Variants in NRP1 observed in about 807,000 individuals in gnomAD.
NRP1 encodes the protein neuropilin-1.
In NRP1, 35 loss-of-function variants were observed where a neutral mutation model predicts 106.7. The ratio of observed to expected loss-of-function variants is 0.33; its 90% CI spans 0.25 to 0.43. The LOEUF (loss-of-function observed/expected upper bound fraction) is 0.43. NRP1 is among the 20% of genes least tolerant of loss of function. NRP1 has a pLI of 1.00. For synonymous variants in NRP1, 437 were observed against 417.9 expected (o/e 1.05, Z -0.56); for missense variants, 1,024 against 1,170.4 (o/e 0.87, Z 1.83).
At chr10:33,200,996 C>T (rs764312585) in intron 11 of NRP1, 8 of 152,098 alleles carry the variant, frequency 5.3e-5, no homozygotes, top group Non-Finnish European at 1.0e-4. Flanking sequence ...TTGAGACAAA[C>T]GTGCTGATCT....
intron 2 of NRP1, among the ~76,000 whole-genome samples, chr10:33,326,001 T>C (rs1384652457): frequency 6.6e-6 from 1 of 152,184 alleles, no homozygotes; most frequent in Non-Finnish European, 1.5e-5. Flanking sequence ...TTTTAGACTT[T>C]TGTTAGAGCT....
At chr10:33,199,365 TTCTATATATATATA>T (rs1837053592) in intron 11 of NRP1, among the ~76,000 whole-genome samples, 1 of 64,268 alleles carries the variant, frequency 1.6e-5, no homozygotes, top group African/African-American at 5.1e-5. Flanking sequence ...CCTGGCTGTT[TTCTATATATATATA>T]TATATATATA....
chr10:33,299,923 A>G (rs1164175914), intron 2 of NRP1, among the ~76,000 whole-genome samples: 2 of 152,200 alleles, frequency 1.3e-5, no homozygotes, highest in Admixed American at 1.3e-4. Context: ...ACTCTTGGTT[A>G]TTGACTGCTC....
chr10:33,318,673 C>G (rs1224014443), intron 2 of NRP1, among the ~76,000 whole-genome samples: 2 of 151,624 alleles, frequency 1.3e-5, no homozygotes, highest in African/African-American at 2.4e-5. Context: ...AAACAAAATC[C>G]CTCACTGTTT....
chr10:33,195,680 CA>C, intron 12 of NRP1: 1 of 451,510 alleles, frequency 2.2e-6, no homozygotes, highest in Non-Finnish European at 4.5e-6. Context: ...AGTCCCCATG[CA>C]ATATTCTGGG....
intron 4 of NRP1, among the ~76,000 whole-genome samples, chr10:33,257,191 G>A (rs1222307602): frequency 6.6e-6 from 1 of 152,128 alleles, no homozygotes; most frequent in African/African-American, 2.4e-5. Context: ...TCTGACTTCT[G>A]TCCTAGTTTC....
intron 2 of NRP1, among the ~76,000 whole-genome samples, chr10:33,310,102 C>T (rs1324073684): frequency 6.6e-6 from 1 of 151,810 alleles, no homozygotes; most frequent in Non-Finnish European, 1.5e-5. Context: ...CGCCCGCCAC[C>T]ACGCCCGGCT....
intron 6 of NRP1, among the ~76,000 whole-genome samples, chr10:33,249,084 G>GTTTTTTTTTTTTTTT (rs750905931): frequency 1.4e-3 from 100 of 72,198 alleles, no homozygotes; most frequent in East Asian, 1.9e-3. Flanking sequence ...TATGTCTCTT[G>GTTTTTTTTTTTTTTT]TTTTTTTTTT....
chr10:33,225,796 G>A (rs1190861467), intron 7 of NRP1, among the ~76,000 whole-genome samples: 1 of 152,208 alleles, frequency 6.6e-6, no homozygotes, highest in African/African-American at 2.4e-5. Flanking sequence ...ATCGAGGGGG[G>A]AAAAACAACA....
Position 33,263,745 on chromosome 10 carries a change from G to A in NRP1, c.559C>T (p.Leu187=), listed in dbSNP as rs1842734148. 6.2e-7 allele frequency: 1 copy of A among 1,613,936 alleles called. No individual in the cohort carries two copies. Among genetic ancestry groups the A allele is most frequent in the East Asian group, 2.2e-5 (1 of 44,862 alleles). Residue 187 remains leucine (L), a synonymous_variant, in exon 4 of 17, where the codon CTG becomes TTG. Coordinates refer to ENST00000374867, the MANE Select transcript of NRP1 (RefSeq NM_003873.7). ...VFVPKMSEII[L]EFESFDLEPD... ...TCCAGGTCAAAGCTTTCAAATTCCA[G>A]GATAATCTCTGACATCTTTGGCACA...
chr10:33,186,311 T>G lies in NRP1; in HGVS notation c.2240A>C (p.Glu747Ala). ...GGCCATCCAGACCAGCTGATCGTAC[T>G]CCTCTGGCTTCTGGTAGCGCAGTTT... ...RVKLRYQKPE[E>A]YDQLVWMAIG... is the part of the protein sequence containing the mutation. Residue 747 changes from glutamate (E) to alanine (A), a missense_variant, in exon 14 of 17, where the codon GAG (glutamate) becomes GCG (alanine). By Grantham distance (107) the Glu-to-Ala change is moderately radical. Around this residue, in one of 5 missense-constraint regions of NRP1, gnomAD observed 562 missense variants for 620.3 expected, o/e 0.91. Coordinates refer to ENST00000374867, the MANE Select transcript of NRP1 (RefSeq NM_003873.7). The G allele has an allele frequency of 6.2e-7, 1 of 1,614,136 alleles. No individual in the cohort carries two copies.
intron 2 of NRP1, among the ~76,000 whole-genome samples, chr10:33,310,337 G>A (rs1334916549): frequency 7.6e-6 from 1 of 131,548 alleles, no homozygotes; most frequent in East Asian, 2.5e-4. Flanking sequence ...TGCAACCTCC[G>A]CCTCCCAGGT....
chr10:33,201,063 C>CT (rs1371644208), intron 11 of NRP1: 1 of 152,150 alleles, frequency 6.6e-6, no homozygotes, highest in Non-Finnish European at 1.5e-5. Context: ...TCAGAATGAA[C>CT]TTTCTTCTAT....
intron 2 of NRP1, among the ~76,000 whole-genome samples, chr10:33,273,766 A>T (rs529025381): frequency 2.2e-5 from 3 of 138,588 alleles, no homozygotes; most frequent in African/African-American, 5.3e-5. Context: ...AGGAGGGGTC[A>T]GAGAGTTGAC....
intron 6 of NRP1, among the ~76,000 whole-genome samples, chr10:33,246,585 C>CACACACACAA (rs548332942): frequency 3.1e-4 from 42 of 135,278 alleles, no homozygotes; most frequent in East Asian, 5.9e-4. Context: ...TTGCAATAAA[C>CACACACACAA]ACACACACAC....
rs1842041432 is a variant in NRP1, at chr10:33,254,101, G to A, written c.908C>T (p.Ala303Val). 2 of 1,613,956 alleles carry A rather than the reference G, an allele frequency of 1.2e-6. No individual in the cohort carries two copies. Among genetic ancestry groups the A allele is most frequent in the Non-Finnish European group, 1.7e-6 (2 of 1,180,004 alleles). ...ASSQYSTNWS[A>V]ERSRLNYPEN... Reference sequence around the variant, plus strand: ...AGGGTAGTTCAGGCGGGAGCGCTCTGCAGACCAGTTGGTGCTATACTGGGA... The same window carrying A: ...AGGGTAGTTCAGGCGGGAGCGCTCTACAGACCAGTTGGTGCTATACTGGGA... Residue 303 changes from alanine to valine, a missense_variant, in exon 6 of 17, where the codon GCA becomes GTA. By Grantham distance (64) the Ala-to-Val change is moderately conservative. This residue lies in a region of NRP1 where 562 missense variants were observed against 620.3 expected (regional missense o/e 0.91). Transcript: ENST00000374867.
In NRP1 at chr10:33,221,850, T is replaced by C; in HGVS notation, c.1151A>G (p.Asn384Ser). ...EGNKPVLFQG[N>S]TNPTDVVVAV... Reference sequence around the variant, plus strand: ...AACCACAACATCTGTGGGGTTGGTGTTTCCCTGAAAGAGCTGTATGGGGAA... The same window carrying C: ...AACCACAACATCTGTGGGGTTGGTGCTTCCCTGAAAGAGCTGTATGGGGAA... The change falls in exon 8 of 17, where the codon AAC becomes AGC. Residue 384 changes from asparagine (N) to serine (S), a missense_variant. Coordinates refer to ENST00000374867, the MANE Select transcript of NRP1 (RefSeq NM_003873.7). 6.2e-7 allele frequency: 1 copy of C among 1,611,740 alleles called. No individual in the cohort carries two copies. The highest frequency in any genetic ancestry group is 1.1e-5 in the South Asian group (1 of 90,974).
In NRP1 at chr10:33,186,676, G is replaced by A. The variant is rs540296815; in HGVS notation, c.2063-188C>T. The stretch of plus-strand genomic sequence containing the variant: ...ACCTAAGGCCCTGCTCTCAGCTCTT[G>A]CAAAATGGACATTTGATTAGGGGAA... On this transcript the variant is annotated intron_variant, in intron 13 of 16. Coordinates refer to ENST00000374867, the MANE Select transcript of NRP1 (RefSeq NM_003873.7). Among the ~76,000 whole-genome samples, 11 of 152,256 alleles carry A rather than the reference G, an allele frequency of 7.2e-5. No individual in the cohort carries two copies. The South Asian group carries it at 2.1e-3, about 29-fold the overall frequency.
chr10:33,237,623 A>G (rs1487811410), intron 6 of NRP1, among the ~76,000 whole-genome samples: 1 of 122,456 alleles, frequency 8.2e-6, no homozygotes, highest in African/African-American at 3.1e-5. Context: ...TCTGTTGCCC[A>G]GGCTGGAGTG....
Sources: allele counts gnomAD v4.1 joint callset (sites outside exome capture counted in the v4.1 genomes callset), GRCh38; gene constraint gnomAD v4.1.1; regional missense constraint gnomAD v4.1.1; transcripts MANE v1.5; gene names NCBI Gene and HGNC (gene_info 2026-07-23, HGNC 2026-07-21).